GALNT13: variants seen among roughly 807,000 people sequenced by gnomAD.
GALNT13 encodes UDP-GalNAc:polypeptide N-acetylgalactosaminyltransferase 13.
A neutral mutation model predicts 64.2 loss-of-function variants in GALNT13; 28 were observed. The ratio of observed to expected loss-of-function variants is 0.44; its 90% CI spans 0.32 to 0.60. GALNT13 has a LOEUF of 0.60. Among genes scored for constraint, GALNT13 ranks in the 20% least tolerant of loss-of-function variants. The pLI is 0.05. For missense variants in GALNT13, 577 were observed against 669.8 expected (o/e 0.86, Z 1.53); for synonymous variants, 214 against 224.6 (o/e 0.95, Z 0.42).
the GALNT13 span, among the ~76,000 whole-genome samples, chr2:153,513,046 C>A: frequency 2.6e-5 from 4 of 152,178 alleles, no homozygotes; most frequent in African/African-American, 9.7e-5. Flanking sequence ...CTGTTGGATG[C>A]TTGAGTCCCC....
chr2:153,515,277 G>A, the GALNT13 span, among the ~76,000 whole-genome samples: 1 of 152,076 alleles, frequency 6.6e-6, no homozygotes, highest in Non-Finnish European at 1.5e-5. Context: ...CCAGCCCGAT[G>A]ACCCCACCTC....
chr2:153,695,796 C>T, the GALNT13 span, among the ~76,000 whole-genome samples: 1 of 152,108 alleles, frequency 6.6e-6, no homozygotes, highest in Non-Finnish European at 1.5e-5. Flanking sequence ...GAAGTAAGCA[C>T]ATTTTTATTT....
chr2:154,146,136 GTATATATATA>G (rs145289172), intron 4 of GALNT13, among the ~76,000 whole-genome samples: 2 of 148,226 alleles, frequency 1.3e-5, no homozygotes, highest in Admixed American at 6.8e-5. Context: ...GTGTGTGTGT[GTATATATATA>G]TATATACACA....
the GALNT13 span, among the ~76,000 whole-genome samples, chr2:153,077,376 G>T: frequency 6.6e-6 from 1 of 151,772 alleles, no homozygotes; most frequent in Non-Finnish European, 1.5e-5. Flanking sequence ...AGGAGTTTTT[G>T]TGACTAAGTA....
intron 9 of GALNT13, among the ~76,000 whole-genome samples, chr2:154,338,542 G>T (rs1574112517): frequency 6.6e-6 from 1 of 152,122 alleles, no homozygotes; most frequent in Non-Finnish European, 1.5e-5. Flanking sequence ...GAAACAGGAG[G>T]CATGACACAC....
At chr2:153,548,378 G>T in the GALNT13 span, among the ~76,000 whole-genome samples, 4 of 152,080 alleles carry the variant, frequency 2.6e-5, no homozygotes, top group African/African-American at 9.7e-5. Flanking sequence ...CAAACAATAG[G>T]GGATGTCAGT....
At chr2:153,458,016 C>T in the GALNT13 span, among the ~76,000 whole-genome samples, 3 of 152,094 alleles carry the variant, frequency 2.0e-5, no homozygotes, top group African/African-American at 7.2e-5. Context: ...CAATTACAAA[C>T]GGCTCTTTTT....
chr2:154,154,223 A>G (rs540008698), intron 4 of GALNT13, among the ~76,000 whole-genome samples: 18 of 152,232 alleles, frequency 1.2e-4, no homozygotes, highest in Non-Finnish European at 2.4e-4. Context: ...TTTCCAAAAA[A>G]ATAAGAAAAT....
intron 9 of GALNT13, among the ~76,000 whole-genome samples, chr2:154,363,704 A>G (rs1205065602): frequency 6.6e-6 from 1 of 152,238 alleles, no homozygotes; most frequent in African/African-American, 2.4e-5. Flanking sequence ...TATAAAAGAT[A>G]AAGACTGGAG....
chr2:154,306,183 G>A (rs1693720738), intron 9 of GALNT13, among the ~76,000 whole-genome samples: 1 of 151,606 alleles, frequency 6.6e-6, no homozygotes, highest in Admixed American at 6.6e-5. Flanking sequence ...TTGAGTTCTG[G>A]GATACATGTG....
intron 3 of GALNT13, among the ~76,000 whole-genome samples, chr2:154,097,061 C>T (rs1273311130): frequency 1.3e-5 from 2 of 152,126 alleles, no homozygotes; most frequent in Middle Eastern, 3.4e-3. Context: ...CATAACATCA[C>T]ATTCTGAATT....
chr2:153,713,846 A>G, the GALNT13 span, among the ~76,000 whole-genome samples: 1 of 152,162 alleles, frequency 6.6e-6, no homozygotes, highest in African/African-American at 2.4e-5. Context: ...AAAAACTGTC[A>G]TCCAGACAAC....
At chr2:153,956,218 TAATC>T (rs1228843573) in intron 3 of GALNT13, among the ~76,000 whole-genome samples, 1 of 152,142 alleles carries the variant, frequency 6.6e-6, no homozygotes, top group African/African-American at 2.4e-5. Flanking sequence ...ACAGCAGTCA[TAATC>T]AGAGGAGAAA....
intron 9 of GALNT13, among the ~76,000 whole-genome samples, chr2:154,306,558 T>C (rs1290229843): frequency 2.0e-5 from 3 of 148,926 alleles, no homozygotes; most frequent in African/African-American, 7.3e-5. Context: ...CAGAGTTTCA[T>C]TATTACTCAA....
the GALNT13 span, among the ~76,000 whole-genome samples, chr2:153,388,836 TTCTC>T: frequency 6.6e-6 from 1 of 152,098 alleles, no homozygotes; most frequent in Middle Eastern, 3.4e-3. Flanking sequence ...GACTGTCGAT[TTCTC>T]TGTTTTGACA....
chr2:153,841,466 A>G, the GALNT13 span, among the ~76,000 whole-genome samples: 2 of 152,164 alleles, frequency 1.3e-5, no homozygotes, highest in African/African-American at 4.8e-5. Context: ...AACATTTTAT[A>G]TACATATTTC....
the GALNT13 span, among the ~76,000 whole-genome samples, chr2:153,270,988 A>G: frequency 6.6e-6 from 1 of 152,222 alleles, no homozygotes; most frequent in Non-Finnish European, 1.5e-5. Context: ...AACGTAATCC[A>G]TCACATAAAC....
At chr2:153,534,029 G>A in the GALNT13 span, among the ~76,000 whole-genome samples, 6 of 151,750 alleles carry the variant, frequency 4.0e-5, no homozygotes, top group East Asian at 3.9e-4. Context: ...GTGAGCCACC[G>A]TGCCTGGCAT....
intron 4 of GALNT13, among the ~76,000 whole-genome samples, chr2:154,186,407 G>A (rs527632085): frequency 8.5e-5 from 13 of 152,110 alleles, no homozygotes; most frequent in East Asian, 3.9e-4. Flanking sequence ...CATGCTCTCC[G>A]TTTCATCTCA....
Sources: allele counts gnomAD v4.1 joint callset (sites outside exome capture counted in the v4.1 genomes callset), GRCh38; gene constraint gnomAD v4.1.1; transcripts MANE v1.5; gene names NCBI Gene and HGNC (gene_info 2026-07-23, HGNC 2026-07-21).